RNF43: variants seen among roughly 807,000 people sequenced by gnomAD.
RNF43 encodes ring finger protein 43.
A neutral mutation model predicts 78.4 loss-of-function variants in RNF43; 37 were observed. That is an observed-to-expected ratio of 0.47 (90% CI 0.36 to 0.62). The LOEUF (loss-of-function observed/expected upper bound fraction) is 0.62, where lower values mean the gene tolerates loss of function less well. RNF43 is among the 20% of genes least tolerant of loss of function. The probability of loss-of-function intolerance (pLI) is 0.00; values close to 1 mark genes in which losing one functional copy is unlikely to be tolerated. For missense variants in RNF43, 774 were observed against 1,007.9 expected (o/e 0.77, Z 3.14); for synonymous variants, 347 against 395.0 (o/e 0.88, Z 1.44).
chr17:58,359,136 C>T (rs1468462278), intron 8 of RNF43, among the ~76,000 whole-genome samples: 1 of 152,168 alleles, frequency 6.6e-6, no homozygotes. Flanking sequence ...GGTTCTCTTT[C>T]CTCAAGATAT....
At chr17:58,387,697 T>A (rs1159166730) in intron 2 of RNF43, among the ~76,000 whole-genome samples, 2 of 151,904 alleles carry the variant, frequency 1.3e-5, no homozygotes, top group Non-Finnish European at 2.9e-5. Context: ...AGGACACCTA[T>A]AAAAGTCAAC....
At chr17:58,388,962 A>AT (rs1973490749) in intron 2 of RNF43, among the ~76,000 whole-genome samples, 1 of 152,244 alleles carries the variant, frequency 6.6e-6, no homozygotes, top group Admixed American at 6.5e-5. Flanking sequence ...GTAGGATCAA[A>AT]TTACAAAGGC....
intron 2 of RNF43, among the ~76,000 whole-genome samples, chr17:58,409,784 G>A (rs779387681): frequency 6.6e-6 from 1 of 152,188 alleles, no homozygotes; most frequent in Non-Finnish European, 1.5e-5. Flanking sequence ...ACTTGGGGGA[G>A]CTGAAGTGGG....
At chr17:58,384,460 T>A (rs761304072) in intron 2 of RNF43, among the ~76,000 whole-genome samples, 10 of 152,252 alleles carry the variant, frequency 6.6e-5, no homozygotes, top group Non-Finnish European at 1.5e-4. Context: ...TTATTTTTAC[T>A]CTGCTAATGG....
intron 2 of RNF43, among the ~76,000 whole-genome samples, chr17:58,405,067 T>A (rs1291741362): frequency 4.2e-5 from 6 of 141,820 alleles, no homozygotes; most frequent in Non-Finnish European, 9.1e-5. Flanking sequence ...TTGTAGTACT[T>A]CTTTTTTTTT....
chr17:58,406,626 G>C (rs1352093207), intron 2 of RNF43, among the ~76,000 whole-genome samples: 2 of 151,890 alleles, frequency 1.3e-5, no homozygotes, highest in Non-Finnish European at 2.9e-5. Context: ...TATAATTCCA[G>C]GTAGAAGATA....
At chr17:58,380,707 G>T (rs1317940147) in intron 2 of RNF43, among the ~76,000 whole-genome samples, 1 of 152,208 alleles carries the variant, frequency 6.6e-6, no homozygotes, top group East Asian at 1.9e-4. Context: ...GGCCCATCTG[G>T]ACTACCGGCA....
rs575773093 is a variant in RNF43, at chr17:58,379,751, T to A, written c.253-8718A>T. On this transcript the variant is annotated intron_variant, in intron 2 of 9. Transcript: ENST00000407977. Reference sequence around the variant, plus strand: ...GTAAGGAGAACAAGAGCTAATTATCTGAGCTGCTTTTGAAATAAAGTGATA... The same window carrying A: ...GTAAGGAGAACAAGAGCTAATTATCAGAGCTGCTTTTGAAATAAAGTGATA... Among the ~76,000 whole-genome samples, 2 of 152,318 alleles carry A rather than the reference T, an allele frequency of 1.3e-5. 1 individual carries two copies. Among genetic ancestry groups the A allele is most frequent in the East Asian group, 3.9e-4 (2 of 5,186 alleles).
intron 2 of RNF43, among the ~76,000 whole-genome samples, chr17:58,399,319 T>A (rs1200936479): frequency 6.6e-6 from 1 of 152,204 alleles, no homozygotes; most frequent in Non-Finnish European, 1.5e-5. Context: ...AGGATGGTCT[T>A]TACCTGAAAA....
chr17:58,356,708 C>T (rs1972690416), intron 9 of RNF43, among the ~76,000 whole-genome samples: 2 of 152,042 alleles, frequency 1.3e-5, no homozygotes, highest in South Asian at 2.1e-4. Flanking sequence ...CTTATATAGC[C>T]TCGTATTATG....
In RNF43 at chr17:58,353,759, C is replaced by A. The variant is rs1362877963; in HGVS notation, c.*1184G>T. 4.8e-6 allele frequency: 1 copy of A among 207,152 alleles called. No homozygotes were observed. The highest frequency in any genetic ancestry group is 9.9e-6 in the Non-Finnish European group (1 of 101,208). 12.8% of individuals were successfully genotyped at this position (207,152 alleles called of 1,614,324 possible). On this transcript the variant is annotated 3_prime_UTR_variant, in exon 10 of 10. Transcript: ENST00000407977. ...CGTCTGTCTGGTTCAGATATAAATA[C>A]CCATGTGGGTACCTAGGTGCTAGTC...
chr17:58,370,591 G>C (rs62082093), intron 3 of RNF43, among the ~76,000 whole-genome samples: 17,121 of 152,132 alleles, frequency 0.11, 1,244 homozygotes, highest in East Asian at 0.18. Flanking sequence ...GTTTCTAAAA[G>C]ATGGAAATCC....
At chr17:58,395,084 G>C (rs1224679879) in intron 2 of RNF43, 2 of 152,220 alleles carry the variant, frequency 1.3e-5, no homozygotes, top group Non-Finnish European at 2.9e-5. Context: ...CAGATTGACA[G>C]TATATGGAAA....
chr17:58,385,706 T>C (rs932775958), intron 2 of RNF43, among the ~76,000 whole-genome samples: 2 of 152,246 alleles, frequency 1.3e-5, no homozygotes, highest in African/African-American at 4.8e-5. Context: ...CTCGGTGCTC[T>C]GTACTGGTTT....
Position 58,358,918 on chromosome 17 carries a change from T to C in RNF43, c.953-95A>G. 7.8e-7 allele frequency: 1 copy of C among 1,280,490 alleles called. No individual in the cohort carries two copies. Among genetic ancestry groups the C allele is most frequent in the Non-Finnish European group, 1.0e-6 (1 of 969,408 alleles). 79.3% of individuals were successfully genotyped at this position (1,280,490 alleles called of 1,614,324 possible). A position where few individuals can be genotyped will look rare whatever the true frequency, so the allele number is the denominator to read the frequency against. On this transcript the variant is annotated intron_variant, in intron 8 of 9. Coordinates refer to ENST00000407977, the MANE Select transcript of RNF43 (RefSeq NM_017763.6). This position sits in a 1 kb window ranked among gnomAD's most constrained non-coding sequence, Gnocchi z 6.2. ...TGGCTGTAGCTAATCTATTTGACCC[T>C]GAGTAGCCTGTGAGCTCAGAGTTTG...
chr17:58,400,062 G>T (rs1379777382), intron 2 of RNF43, among the ~76,000 whole-genome samples: 2 of 152,198 alleles, frequency 1.3e-5, no homozygotes, highest in African/African-American at 4.8e-5. Context: ...CAGCTGCTTT[G>T]TGTCAGTGAT....
intron 2 of RNF43, among the ~76,000 whole-genome samples, chr17:58,411,722 G>C (rs1304172142): frequency 2.6e-5 from 4 of 152,170 alleles, no homozygotes; most frequent in African/African-American, 9.7e-5. Context: ...TTTGCTCTGA[G>C]AAGAAAGATT....
intron 2 of RNF43, chr17:58,395,057 T>A (rs1368470185): frequency 6.6e-6 from 1 of 152,246 alleles, no homozygotes; most frequent in African/African-American, 2.4e-5. Flanking sequence ...GTTTGCTGTA[T>A]AATAAGTCTG....
chr17:58,363,298 C>T lies in RNF43; in HGVS notation c.559G>A (p.Glu187Lys), dbSNP rs1000142712. 4 of 1,613,908 alleles carry T rather than the reference C, an allele frequency of 2.5e-6. No homozygotes were observed. The highest frequency in any genetic ancestry group is 1.7e-5 in the Admixed American group (1 of 59,994). The change falls in exon 5 of 10, where the codon GAG (glutamate) becomes AAG (lysine). Residue 187 changes from glutamate (E) to lysine (K), a missense_variant. Coordinates refer to ENST00000407977, the MANE Select transcript of RNF43 (RefSeq NM_017763.6). Reference protein sequence around the residue: ...YKNQKAHVRIELKEPPAWPDY... With the variant: ...YKNQKAHVRIKLKEPPAWPDY... ...ACCCAGGCCGGGGGCTCCTTCAGCT[C>T]AATCCTCACATGGGCCTTTTGGTTC...
Sources: allele counts gnomAD v4.1 joint callset (sites outside exome capture counted in the v4.1 genomes callset), GRCh38; gene constraint gnomAD v4.1.1; non-coding constraint Gnocchi (gnomAD v3.1); transcripts MANE v1.5; gene names NCBI Gene and HGNC (gene_info 2026-07-23, HGNC 2026-07-21).